The following SPEG variants were observed in gnomAD, a reference collection of about 807,000 sequenced individuals.
The protein encoded by SPEG is striated muscle preferentially expressed protein kinase.
SPEG carries 114 observed loss-of-function variants against 300.4 expected under a neutral mutation model. That is an observed-to-expected ratio of 0.38 (90% CI 0.33 to 0.44). The LOEUF (loss-of-function observed/expected upper bound fraction) is 0.44, where lower values mean the gene tolerates loss of function less well. SPEG is among the 20% of genes least tolerant of loss of function. SPEG has a pLI of 1.00. For synonymous variants in SPEG, 1,964 were observed against 2,018.9 expected (o/e 0.97, Z 0.73); for missense variants, 4,201 against 4,586.2 (o/e 0.92, Z 2.43).
chr2:219,484,727 C>T lies in SPEG; in HGVS notation c.7264C>T (p.Pro2422Ser). ...SLSQRLRRTP[P>S]AQRHPAWEAR... ...GTCCCAGCGGCTGCGGCGGACCCCT[C>T]CCGCGCAGCGCCACCCGGCCTGGGA... Residue 2422 changes from proline to serine, a missense_variant, in exon 30 of 41, where the codon CCC (proline) becomes TCC (serine). Physicochemically the swap from Pro to Ser is moderately conservative, Grantham distance 74. Transcript: ENST00000312358. 1 of 1,492,652 alleles carries T rather than the reference C, an allele frequency of 6.7e-7. No individual in the cohort carries two copies. Among genetic ancestry groups the T allele is most frequent in the East Asian group, 2.7e-5 (1 of 36,866 alleles). 92.5% of individuals were successfully genotyped at this position (1,492,652 alleles called of 1,614,324 possible).
chr2:219,490,030 G>T, intron 36 of SPEG, 91 bp downstream of exon 36: 4 of 1,453,524 alleles, frequency 2.8e-6, no homozygotes, highest in Non-Finnish European at 3.7e-6. Context: ...GACTGTCCTG[G>T]CTGGGGTGGG....
At position 219,479,183 on chromosome 2, in the gene SPEG, C is replaced by T. The variant is rs1220221622; in HGVS notation, c.5067C>T (p.Pro1689=). Residue 1689 remains proline (P), a synonymous_variant, in exon 23 of 41, where the codon CCC becomes CCT. Transcript: ENST00000312358. The surrounding 1 kb of genome is among the most constrained non-coding windows in gnomAD (Gnocchi z 5.5). ...TGCTGGAGCGAATCGCCAGGAAACC[C>T]ACCGTGTGTGAGTCTGAGGTGAGGG... ...EELLERIARK[P]TVCESEIRAY... The T allele has an allele frequency of 6.2e-7, 1 of 1,613,670 alleles. No individual in the cohort carries two copies. The highest frequency in any genetic ancestry group is 8.5e-7 in the Non-Finnish European group (1 of 1,179,978).
At chr2:219,462,180 C>T (rs1448758873) in intron 7 of SPEG, 118 bp from the exon 8 acceptor site, 1 of 1,206,642 alleles carries the variant, frequency 8.3e-7, no homozygotes, top group African/African-American at 1.5e-5. Flanking sequence ...TTCAAACCCT[C>T]TTACCCAGAG....
rs1263027928 is a variant in SPEG at position 219,458,843 on chromosome 2, G to T, written c.2441-3039G>T. Reference sequence around the variant, plus strand: ...ATCTAATTCTGCAGGCTGGAGTAAGGTTGAGGAATCTATATTTTAAATAAG... The same window carrying T: ...ATCTAATTCTGCAGGCTGGAGTAAGTTTGAGGAATCTATATTTTAAATAAG... On this transcript the variant is annotated intron_variant, in intron 6 of 40. Coordinates refer to ENST00000312358, the MANE Select transcript of SPEG (RefSeq NM_005876.5). This position sits in a 1 kb window ranked among gnomAD's most constrained non-coding sequence, Gnocchi z 4.2. 6.6e-6 allele frequency among the ~76,000 whole-genome samples: 1 copy of T among 152,182 alleles called. No individual in the cohort carries two copies. The highest frequency in any genetic ancestry group is 1.5e-5 in the Non-Finnish European group (1 of 68,036).
rs187565836 is a variant in SPEG, at chr2:219,448,142, C to T, written c.984C>T (p.Pro328=). 2,470 of 1,607,544 alleles carry T rather than the reference C, an allele frequency of 1.5e-3. 32 individuals carry two copies. The African/African-American group carries it at 0.03, about 19-fold the overall frequency. Residue 328 remains proline, a synonymous_variant, in exon 4 of 41, where the codon CCC becomes CCT. Transcript: ENST00000312358. Reference sequence around the variant, plus strand: ...CCCCGCCGGGACCCCCGGCCCAGCCCGCGGCCACCCCCACGTCGCCCCACC... The same window carrying T: ...CCCCGCCGGGACCCCCGGCCCAGCCTGCGGCCACCCCCACGTCGCCCCACC... ...KRSPPGPPAQ[P]AATPTSPHRR...
At chr2:219,463,626 G>A (rs1393816817) in intron 8 of SPEG, among the ~76,000 whole-genome samples, 6 of 150,458 alleles carry the variant, frequency 4.0e-5, no homozygotes, top group African/African-American at 1.5e-4. Context: ...GGCTGGTCTC[G>A]AACTCCTGAC....
intron 8 of SPEG, 137 bp downstream of exon 8, chr2:219,462,523 C>A (rs1291002693): frequency 1.2e-5 from 8 of 670,004 alleles, no homozygotes; most frequent in Non-Finnish European, 2.1e-5. Context: ...ATCTCAGGGA[C>A]AGCAGTGTAC....
Position 219,483,931 on chromosome 2 carries a change from T to TG in SPEG, c.6472dup (p.Ala2158GlyfsTer3). The TG allele has an allele frequency of 1.2e-6, 2 of 1,604,758 alleles. No individual in the cohort carries two copies. The highest frequency in any genetic ancestry group is 1.7e-6 in the Non-Finnish European group (2 of 1,179,664). Reference sequence around the variant, plus strand: ...CCCTCGAGATCCCCGTGGCCAGGCTTGGGGCCCGTAGGCTACAGGAGTCTC... The same window carrying TG: ...CCCTCGAGATCCCCGTGGCCAGGCTTGGGGGCCCGTAGGCTACAGGAGTCTC... On this transcript the variant is annotated frameshift_variant, in exon 30 of 41. Transcript: ENST00000312358. LOFTEE classifies it high-confidence loss of function.
At position 219,481,341 on chromosome 2, in the gene SPEG, CG is replaced by C; in HGVS notation, c.5409del (p.Thr1804GlnfsTer3). On this transcript the variant is annotated frameshift_variant, in exon 27 of 41. Coordinates refer to ENST00000312358, the MANE Select transcript of SPEG (RefSeq NM_005876.5). LOFTEE classifies it high-confidence loss of function. This position sits in a 1 kb window ranked among gnomAD's most constrained non-coding sequence, Gnocchi z 5.4. ...GISPFVGEND[R>X]TTLMNIRNYN... ...CTCCCCGTTTGTTGGGGAAAATGAC[CG>C]GACAACATTGATGAACATCCGAAAC... 1 of 1,614,152 alleles carries C rather than the reference CG, an allele frequency of 6.2e-7. No homozygotes were observed. Among genetic ancestry groups the C allele is most frequent in the Middle Eastern group, 1.6e-4 (1 of 6,062 alleles).
At chr2:219,486,437 T>C (rs1381909923) in intron 31 of SPEG, among the ~76,000 whole-genome samples, 1 of 152,016 alleles carries the variant, frequency 6.6e-6, no homozygotes, top group Non-Finnish European at 1.5e-5. Context: ...GCTGGGCTTA[T>C]AGGGATTGTG....
At chr2:219,470,446 C>T (rs1443736617) in intron 13 of SPEG, among the ~76,000 whole-genome samples, 2 of 151,934 alleles carry the variant, frequency 1.3e-5, no homozygotes, top group African/African-American at 4.9e-5. Context: ...GCCTCCCTGT[C>T]TCCCAGTCTG....
rs767002980 is a variant in SPEG, at chr2:219,444,078, C to T, written c.389-575C>T. The T allele has an allele frequency of 3.7e-6, 5 of 1,362,614 alleles. No homozygotes were observed. Among genetic ancestry groups the T allele is most frequent in the Non-Finnish European group, 4.9e-6 (5 of 1,020,164 alleles). 84.4% of individuals were successfully genotyped at this position (1,362,614 alleles called of 1,614,324 possible). On this transcript the variant is annotated intron_variant, in intron 1 of 40. Coordinates refer to ENST00000312358, the MANE Select transcript of SPEG (RefSeq NM_005876.5). This position sits in a 1 kb window ranked among gnomAD's most constrained non-coding sequence, Gnocchi z 7.8. The stretch of plus-strand genomic sequence containing the variant: ...AGTTACGGTAGGAAACTGGCTCCTG[C>T]TCTAGCCCCCCGCATCCCCCCCTTT...
Position 219,461,955 on chromosome 2 carries a change from A to C in SPEG, c.2514A>C (p.Pro838=), listed in dbSNP as rs772853269. 60 of 1,613,440 alleles carry C rather than the reference A, an allele frequency of 3.7e-5. No individual in the cohort carries two copies. Among genetic ancestry groups the C allele is most frequent in the Non-Finnish European group, 5.0e-5 (59 of 1,179,820 alleles). ...ACCTGAGCCCCCCAGAGGAGTTCCC[A>C]GAGCCTGGGGAGACCTGGCCGCGAA... The part of the protein sequence containing the change: ...EEYLSPPEEF[P]EPGETWPRTP... Residue 838 remains proline (P), a synonymous_variant, in exon 7 of 41, where the codon CCA becomes CCC. Transcript: ENST00000312358.
At chr2:219,474,830 A>C (rs1268870220) in intron 18 of SPEG, among the ~76,000 whole-genome samples, 5 of 132,688 alleles carry the variant, frequency 3.8e-5, no homozygotes, top group African/African-American at 8.7e-5. Flanking sequence ...CAGTCATCTC[A>C]CTCTGTCACC....
At chr2:219,490,048 G>A (rs1466104019) in intron 36 of SPEG, 109 bp downstream of exon 36, 6 of 1,287,366 alleles carry the variant, frequency 4.7e-6, no homozygotes, top group Non-Finnish European at 6.4e-6. Context: ...GGGGGGAGGT[G>A]CTGAGACCTG....
In SPEG at chr2:219,467,226, C is replaced by T. The variant is rs1480556435; in HGVS notation, c.2934C>T (p.Asp978=). ...TGCTGGCCCCCCTGCAGGACGTGGA[C>T]GTGGGGGCCGGGGAGATGGCGCTGT... ...LAVLAPLQDV[D]VGAGEMALFE... The change falls in exon 10 of 41, where the codon GAC becomes GAT. Residue 978 remains aspartate (D), a synonymous_variant. Coordinates refer to ENST00000312358, the MANE Select transcript of SPEG (RefSeq NM_005876.5). 3 of 1,601,246 alleles carry T rather than the reference C, an allele frequency of 1.9e-6. No individual in the cohort carries two copies. Among genetic ancestry groups the T allele is most frequent in the Admixed American group, 1.7e-5 (1 of 59,832 alleles).
At chr2:219,466,696 C>T in intron 9 of SPEG, 1 of 1,000,608 alleles carries the variant, frequency 1.0e-6, no homozygotes, top group Non-Finnish European at 1.2e-6. Flanking sequence ...AGGTTTAGGG[C>T]CCATTTGGGG....
In SPEG at chr2:219,439,589, G is replaced by A. The variant is rs887875590; in HGVS notation, c.388+4224G>A. ...TGGCAGTGCAGAAATTGGAAGTCTG[G>A]GTTTGGGGGAGTGGCAGGGAGACAC... On this transcript the variant is annotated intron_variant, in intron 1 of 40. Coordinates refer to ENST00000312358, the MANE Select transcript of SPEG (RefSeq NM_005876.5). The surrounding 1 kb of genome is among the most constrained non-coding windows in gnomAD (Gnocchi z 4.5). Among the ~76,000 whole-genome samples, 8 of 152,074 alleles carry A rather than the reference G, an allele frequency of 5.3e-5. No homozygotes were observed. The highest frequency in any genetic ancestry group is 4.8e-5 in the African/African-American group (2 of 41,360).
chr2:219,477,954 G>C lies in SPEG; in HGVS notation c.4876G>C (p.Glu1626Gln), dbSNP rs772487420. 2.3e-5 allele frequency: 37 copies of C among 1,614,062 alleles called. No individual in the cohort carries two copies. The highest frequency in any genetic ancestry group is 2.6e-5 in the Non-Finnish European group (31 of 1,180,050). Residue 1626 changes from glutamate to glutamine, a missense_variant, in exon 22 of 41, where the codon GAG (glutamate) becomes CAG (glutamine). Physicochemically the swap from Glu to Gln is conservative, Grantham distance 29 (BLOSUM62 2). Transcript: ENST00000312358. This position sits in a 1 kb window ranked among gnomAD's most constrained non-coding sequence, Gnocchi z 6.4. ...RRIVERSSGL[E>Q]FAAKFIPSQA... ...CATAGTGGAGCGTAGCTCCGGCCTGGAGTTTGCGGCCAAGTTCATCCCCAG... is the reference window on the plus strand; with the variant it reads ...CATAGTGGAGCGTAGCTCCGGCCTGCAGTTTGCGGCCAAGTTCATCCCCAG...
Sources: gnomAD v4.1 joint callset for allele counts (sites outside exome capture counted in the v4.1 genomes callset) on GRCh38, gnomAD v4.1.1 for gene constraint, Gnocchi (gnomAD v3.1) non-coding constraint, MANE v1.5 for transcripts, NCBI Gene and HGNC (gene_info 2026-07-23, HGNC 2026-07-21) for gene names.